USP43: variants seen among roughly 807,000 people sequenced by gnomAD.
USP43 encodes the protein ubiquitin specific peptidase 43.
A neutral mutation model predicts 90.7 loss-of-function variants in USP43; 33 were observed. The ratio of observed to expected loss-of-function variants is 0.36; its 90% CI spans 0.28 to 0.49. USP43 has a LOEUF of 0.49. USP43 is among the 20% of genes least tolerant of loss of function. The pLI, the probability that USP43 is intolerant of heterozygous loss-of-function variation, is 0.98. For synonymous variants in USP43, 598 were observed against 615.8 expected, an observed-to-expected ratio of 0.97 and a Z score of 0.43; for missense variants, 1,274 against 1,476.4, an observed-to-expected ratio of 0.86 and a Z score of 2.25.
chr17:9,711,966 A>G lies in USP43; in HGVS notation c.2171-2A>G. On this transcript the variant is annotated splice_acceptor_variant, in intron 13 of 14. Transcript: ENST00000285199. LOFTEE classifies it high-confidence loss of function. ...GCCTCCCTCTCTGTGTTTCCTCCAC[A>G]GGCTCTACCAGCTCCTCCCTGTCTG... 1 of 1,596,524 alleles carries G rather than the reference A, an allele frequency of 6.3e-7. No individual in the cohort carries two copies. The highest frequency in any genetic ancestry group is 1.1e-5 in the South Asian group (1 of 88,460).
intron 3 of USP43, among the ~76,000 whole-genome samples, chr17:9,670,636 G>A (rs976858940): frequency 4.6e-5 from 7 of 152,082 alleles, no homozygotes; most frequent in Non-Finnish European, 8.8e-5. Context: ...GATTATAACT[G>A]GTGAGTACTT....
chr17:9,697,046 A>G (rs561658372), intron 9 of USP43, among the ~76,000 whole-genome samples: 106 of 152,290 alleles, frequency 7.0e-4, no homozygotes, highest in African/African-American at 2.3e-3. Context: ...GTGAAACCGC[A>G]TTTCTACTGA....
chr17:9,674,544 T>A lies in USP43; in HGVS notation c.741-347T>A, dbSNP rs1268391482. 6.6e-6 allele frequency among the ~76,000 whole-genome samples: 1 copy of A among 152,238 alleles called. No homozygotes were observed. The highest frequency in any genetic ancestry group is 1.5e-5 in the Non-Finnish European group (1 of 68,040). On this transcript the variant is annotated intron_variant, in intron 3 of 14. Transcript: ENST00000285199. This position sits in a 1 kb window ranked among gnomAD's most constrained non-coding sequence, Gnocchi z 4.4. The stretch of plus-strand genomic sequence containing the variant: ...AATATGTGGGCTTTCATGTCTGGCT[T>A]CTTTCACTTAGCGTGCTGTTTTCAA...
At position 9,728,791 on chromosome 17, in the gene USP43, G is replaced by A. The variant is rs767622675; in HGVS notation, c.3173G>A (p.Arg1058Gln). 13 of 1,610,000 alleles carry A rather than the reference G, an allele frequency of 8.1e-6. No homozygotes were observed. The East Asian group carries it at 8.9e-5, about 11-fold the overall frequency. ...PEGLARGLGS[R>Q]LERDVWSAPS... ...GGCCTGGCCAGGGGCCTGGGCAGCC[G>A]GCTCGAGAGGGATGTCTGGTCAGCC... Residue 1058 changes from arginine (R) to glutamine (Q), a missense_variant, in exon 15 of 15, where the codon CGG (arginine) becomes CAG (glutamine). Arg to Gln is a conservative substitution (Grantham distance 43). This residue lies in a region of USP43 where 353 missense variants were observed against 329.7 expected (regional missense o/e 1.07). Coordinates refer to ENST00000285199, the MANE Select transcript of USP43 (RefSeq NM_153210.5). The surrounding 1 kb of genome is among the most constrained non-coding windows in gnomAD (Gnocchi z 6.2).
Position 9,728,666 on chromosome 17 carries a change from C to T in USP43, c.3048C>T (p.Val1016=), listed in dbSNP as rs751701038. ...ACAGGAGGAATGAGAGGGCAGAGGT[C>T]TCTCCACAGGTGCCCCCCGTCTCCC... ...KENRRNERAE[V]SPQVPPVSLV... Residue 1016 remains valine (V), a synonymous_variant, in exon 15 of 15, where the codon GTC becomes GTT. Transcript: ENST00000285199. The surrounding 1 kb of genome is among the most constrained non-coding windows in gnomAD (Gnocchi z 6.2). 2 of 1,613,346 alleles carry T rather than the reference C, an allele frequency of 1.2e-6. No individual in the cohort carries two copies. Among genetic ancestry groups the T allele is most frequent in the East Asian group, 2.2e-5 (1 of 44,850 alleles).
At chr17:9,691,362 T>C (rs143770042) in intron 8 of USP43, among the ~76,000 whole-genome samples, 6,534 of 152,038 alleles carry the variant, frequency 0.043, 453 homozygotes, top group African/African-American at 0.15. Context: ...AGGTGATCCA[T>C]CTGCCTCAGC....
rs557800596 is a variant in USP43, at chr17:9,671,237, A to T, written c.741-3654A>T. On this transcript the variant is annotated intron_variant, in intron 3 of 14. Transcript: ENST00000285199. ...TCTAAAAATGTCTGCAAGTCTAACG[A>T]CCAACGATTGTGGCTATGTTGGAGT... is the stretch of plus-strand genomic sequence containing the variant. 9.2e-5 allele frequency among the ~76,000 whole-genome samples: 14 copies of T among 152,216 alleles called. No homozygotes were observed. The South Asian group carries it at 2.1e-3, about 23-fold the overall frequency.
At chr17:9,672,253 C>T (rs147554230) in intron 3 of USP43, among the ~76,000 whole-genome samples, 582 of 152,294 alleles carry the variant, frequency 3.8e-3, no homozygotes, top group African/African-American at 0.013. Flanking sequence ...ACCTCGGCCT[C>T]CCGAAATGCT....
intron 14 of USP43, among the ~76,000 whole-genome samples, chr17:9,726,979 T>C (rs1917305494): frequency 6.6e-6 from 1 of 152,142 alleles, no homozygotes; most frequent in East Asian, 1.9e-4. Flanking sequence ...TTTCTTTTTT[T>C]TTTTGGAGAT....
At position 9,646,049 on chromosome 17, in the gene USP43, C is replaced by T; in HGVS notation, c.417C>T (p.Gly139=). The change falls in exon 1 of 15, where the codon GGC becomes GGT. Residue 139 remains glycine (G), a synonymous_variant. Transcript: ENST00000285199. ...TGGGGCGCTACCGGGCGGCTCCGGG[C>T]CGCGCCGAGGTCACCGAGCAGCTGG... ...LALGRYRAAP[G]RAEVTEQLAA... The T allele has an allele frequency of 6.7e-7, 1 of 1,502,070 alleles. No individual in the cohort carries two copies. The highest frequency in any genetic ancestry group is 8.9e-7 in the Non-Finnish European group (1 of 1,126,406). 93.0% of individuals were successfully genotyped at this position (1,502,070 alleles called of 1,614,324 possible).
intron 12 of USP43, among the ~76,000 whole-genome samples, chr17:9,708,340 G>C (rs995038253): frequency 6.6e-6 from 1 of 152,202 alleles, no homozygotes; most frequent in Non-Finnish European, 1.5e-5. Context: ...TTGCTCTGCT[G>C]TATGGAGAAT....
chr17:9,708,938 C>A (rs948307479), intron 12 of USP43, among the ~76,000 whole-genome samples: 1 of 151,838 alleles, frequency 6.6e-6, no homozygotes, highest in Non-Finnish European at 1.5e-5. Context: ...GTTTTTTTTC[C>A]CCCGTTTATT....
At chr17:9,651,840 G>A (rs958338056) in intron 1 of USP43, among the ~76,000 whole-genome samples, 20 of 152,050 alleles carry the variant, frequency 1.3e-4, no homozygotes, top group African/African-American at 4.3e-4. Flanking sequence ...AAAAATATTA[G>A]AAAGAAAATT....
At chr17:9,700,791 A>C (rs559550512) in intron 10 of USP43, among the ~76,000 whole-genome samples, 80 of 152,344 alleles carry the variant, frequency 5.3e-4, no homozygotes, top group African/African-American at 1.9e-3. Context: ...CACTGAGGGC[A>C]TCAGCCTTAC....
At chr17:9,681,467 TATATATATA>T in intron 6 of USP43, among the ~76,000 whole-genome samples, 2 of 13,536 alleles carry the variant, frequency 1.5e-4, no homozygotes, top group Non-Finnish European at 2.0e-4. Flanking sequence ...ATATATTATA[TATATATATA>T]TATATATATA....
At chr17:9,670,129 C>T (rs892583216) in intron 3 of USP43, among the ~76,000 whole-genome samples, 2 of 150,620 alleles carry the variant, frequency 1.3e-5, no homozygotes, top group Admixed American at 1.3e-4. Flanking sequence ...ACCTCTGCTT[C>T]CCAGGTTCAA....
intron 1 of USP43, 145 bp from the exon 2 acceptor site, chr17:9,656,258 G>C: frequency 2.7e-6 from 3 of 1,127,868 alleles, no homozygotes; most frequent in Non-Finnish European, 3.7e-6. Context: ...TGGCGTGAAA[G>C]AACATTTCTA....
intron 2 of USP43, among the ~76,000 whole-genome samples, chr17:9,664,928 C>T (rs1398419967): frequency 9.2e-5 from 14 of 152,164 alleles, no homozygotes; most frequent in African/African-American, 1.4e-4. Context: ...TGAGCCAGCG[C>T]GCCCAGTCAA....
intron 6 of USP43, 117 bp from the exon 7 acceptor site, chr17:9,682,706 C>A: frequency 1.5e-6 from 2 of 1,342,208 alleles, no homozygotes; most frequent in East Asian, 2.4e-5. Context: ...CTCTAGTGGC[C>A]CCCCATTGGT....
Sources: allele counts gnomAD v4.1 joint callset (sites outside exome capture counted in the v4.1 genomes callset), GRCh38; gene constraint gnomAD v4.1.1; regional missense constraint gnomAD v4.1.1; non-coding constraint Gnocchi (gnomAD v3.1); transcripts MANE v1.5; gene names NCBI Gene and HGNC (gene_info 2026-07-23, HGNC 2026-07-21).